Variants in IMMP2L observed in about 807,000 individuals in gnomAD.
IMMP2L encodes mitochondrial inner membrane protease subunit 2.
Under a neutral mutation model 19.3 loss-of-function variants are expected in IMMP2L, and 18 were observed. That is an observed-to-expected ratio of 0.93 (90% CI 0.64 to 1.38). The LOEUF is 1.38. Among genes scored for constraint, IMMP2L ranks in the 40% most tolerant of loss-of-function variants. IMMP2L has a pLI of 0.00. For missense variants in IMMP2L, 233 were observed against 218.2 expected (o/e 1.07, Z -0.43); for synonymous variants, 76 against 73.0 (o/e 1.04, Z -0.21).
intron 3 of IMMP2L, among the ~76,000 whole-genome samples, chr7:111,081,514 T>C (rs930757249): frequency 5.9e-5 from 9 of 152,226 alleles, no homozygotes; most frequent in South Asian, 2.1e-4. Flanking sequence ...AGAGGGAGTG[T>C]CCTTAGTGCA....
At chr7:111,042,683 A>G (rs572583169) in intron 3 of IMMP2L, among the ~76,000 whole-genome samples, 1 of 152,308 alleles carries the variant, frequency 6.6e-6, no homozygotes, top group South Asian at 2.1e-4. Flanking sequence ...TCTGCCTAAG[A>G]GCTTAGTGAA....
At chr7:111,393,542 T>G (rs1447894735) in intron 3 of IMMP2L, among the ~76,000 whole-genome samples, 1 of 152,178 alleles carries the variant, frequency 6.6e-6, no homozygotes, top group South Asian at 2.1e-4. Context: ...GTCTGTAAAC[T>G]CTGCATGCTA....
chr7:111,230,535 T>C (rs1014926471), intron 3 of IMMP2L, among the ~76,000 whole-genome samples: 1 of 152,086 alleles, frequency 6.6e-6, no homozygotes, highest in Non-Finnish European at 1.5e-5. Context: ...CCATAGTTTA[T>C]CCTGAAAGAA....
chr7:111,090,887 A>C, intron 3 of IMMP2L: 1 of 152,170 alleles, frequency 6.6e-6, no homozygotes, highest in East Asian at 1.9e-4. Context: ...AACTTGTCAA[A>C]AATTCCCAAC....
At chr7:111,206,417 C>T (rs1195501842) in intron 3 of IMMP2L, among the ~76,000 whole-genome samples, 1 of 152,144 alleles carries the variant, frequency 6.6e-6, no homozygotes, top group Non-Finnish European at 1.5e-5. Flanking sequence ...ATCAGCATCT[C>T]GAACTACATT....
chr7:111,256,410 G>A (rs1816702101), intron 3 of IMMP2L, among the ~76,000 whole-genome samples: 1 of 151,794 alleles, frequency 6.6e-6, no homozygotes, highest in Admixed American at 6.6e-5. Context: ...TGATAACTGT[G>A]GTTCACTGTG....
At chr7:111,235,317 C>A (rs1814166370) in intron 3 of IMMP2L, among the ~76,000 whole-genome samples, 1 of 151,802 alleles carries the variant, frequency 6.6e-6, no homozygotes, top group Admixed American at 6.6e-5. Context: ...ACTAAAAATA[C>A]TAAATTAGCC....
intron 3 of IMMP2L, among the ~76,000 whole-genome samples, chr7:111,483,252 C>A (rs1335558519): frequency 2.0e-5 from 3 of 152,040 alleles, no homozygotes; most frequent in African/African-American, 7.2e-5. Context: ...TTATTTAGGA[C>A]TTTATTATGA....
At chr7:111,542,731 A>G (rs2132984774) in intron 1 of IMMP2L, among the ~76,000 whole-genome samples, 1 of 152,314 alleles carries the variant, frequency 6.6e-6, no homozygotes, top group East Asian at 1.9e-4. Context: ...GTAAATGTTC[A>G]AGTCTCATTC....
chr7:111,369,619 T>C (rs2131085736), intron 3 of IMMP2L, among the ~76,000 whole-genome samples: 1 of 151,902 alleles, frequency 6.6e-6, no homozygotes, highest in African/African-American at 2.4e-5. Context: ...TCTTTAAAAA[T>C]TAAAAAACAA....
chr7:110,765,014 A>G (rs535909033), intron 5 of IMMP2L, among the ~76,000 whole-genome samples: 15 of 152,212 alleles, frequency 9.9e-5, no homozygotes, highest in Admixed American at 4.6e-4. Flanking sequence ...CCAAACCTCA[A>G]TTTTTACATC....
rs1471862642 is a variant in IMMP2L, at chr7:111,016,882, AT to A, written c.240-53318del. On this transcript the variant is annotated intron_variant, in intron 3 of 5. Coordinates refer to ENST00000405709, the MANE Select transcript of IMMP2L (RefSeq NM_032549.4). ...ATATAATATATTACATATAATATAT[AT>A]TATATATAATATATATTATATATAA... is the stretch of plus-strand genomic sequence containing the variant. Among the ~76,000 whole-genome samples the A allele has an allele frequency of 6.7e-5, 6 of 89,698 alleles. No homozygotes were observed. In the East Asian group the frequency reaches 1.8e-3, roughly 26 times the overall value. 58.8% of individuals were successfully genotyped at this position (89,698 alleles called of 152,430 possible).
At chr7:111,274,150 T>C (rs191377890) in intron 3 of IMMP2L, among the ~76,000 whole-genome samples, 3 of 152,094 alleles carry the variant, frequency 2.0e-5, no homozygotes, top group Non-Finnish European at 2.9e-5. Flanking sequence ...AAATAAAATA[T>C]AGTAGATAGT....
intron 5 of IMMP2L, among the ~76,000 whole-genome samples, chr7:110,845,610 T>G (rs1382676966): frequency 6.6e-6 from 1 of 152,214 alleles, no homozygotes; most frequent in Non-Finnish European, 1.5e-5. Flanking sequence ...TGATTCTTCT[T>G]AGTAGATCAT....
At chr7:111,030,941 G>A (rs539632060) in intron 3 of IMMP2L, among the ~76,000 whole-genome samples, 3 of 141,286 alleles carry the variant, frequency 2.1e-5, no homozygotes, top group South Asian at 4.5e-4. Context: ...ATATATACAC[G>A]AGAATTAGAC....
At chr7:110,679,623 C>G (rs1792562110) in intron 5 of IMMP2L, among the ~76,000 whole-genome samples, 1 of 151,878 alleles carries the variant, frequency 6.6e-6, no homozygotes, top group South Asian at 2.1e-4. Flanking sequence ...TATCTGGTAC[C>G]CACTGCCAAT....
chr7:110,988,424 C>T (rs1307501276), intron 3 of IMMP2L, among the ~76,000 whole-genome samples: 3 of 152,146 alleles, frequency 2.0e-5, no homozygotes, highest in Non-Finnish European at 1.5e-5. Flanking sequence ...CATATGACTT[C>T]TAGTCACATT....
chr7:110,842,980 G>C lies in IMMP2L; in HGVS notation c.408+43613C>G, dbSNP rs139115655. On this transcript the variant is annotated intron_variant, in intron 5 of 5. Transcript: ENST00000405709. Reference sequence around the variant, plus strand: ...TAATTAGATTTAAAACCACAGCTTAGAAAAACTAAATTAGCTATATCGAAT... The same window carrying C: ...TAATTAGATTTAAAACCACAGCTTACAAAAACTAAATTAGCTATATCGAAT... 5.8e-3 allele frequency among the ~76,000 whole-genome samples: 884 copies of C among 152,202 alleles called. 4 individuals are homozygous for C. Among genetic ancestry groups the C allele is most frequent in the African/African-American group, 0.017 (719 of 41,558 alleles).
At chr7:111,389,433 G>A (rs1371794800) in intron 3 of IMMP2L, among the ~76,000 whole-genome samples, 1 of 151,918 alleles carries the variant, frequency 6.6e-6, no homozygotes, top group Non-Finnish European at 1.5e-5. Context: ...TATTTTGGTG[G>A]TTATACTGAG....
Sources: gnomAD v4.1 joint callset for allele counts (sites outside exome capture counted in the v4.1 genomes callset) on GRCh38, gnomAD v4.1.1 for gene constraint, MANE v1.5 for transcripts, NCBI Gene and HGNC (gene_info 2026-07-23, HGNC 2026-07-21) for gene names.